Variants in RIPOR1 observed in about 807,000 individuals in gnomAD.
RIPOR1 encodes rho family-interacting cell polarization regulator 1.
Under a neutral mutation model 116.5 loss-of-function variants are expected in RIPOR1, and 58 were observed. The observed-to-expected ratio is 0.50, with a 90% CI of 0.40 to 0.62. The LOEUF (loss-of-function observed/expected upper bound fraction) is 0.62, where lower values mean the gene tolerates loss of function less well. RIPOR1 is among the 20% of genes least tolerant of loss of function. RIPOR1 has a pLI of 0.00. For missense variants in RIPOR1, 1,372 were observed against 1,586.2 expected (o/e 0.86, Z 2.29); for synonymous variants, 605 against 650.0 (o/e 0.93, Z 1.05).
chr16:67,546,736 A>G lies in RIPOR1; in HGVS notation c.*273A>G. ...GCCCAGCCACATCCCTTGGTTTTGT[A>G]TTTTATTTACAGAGTTTTACAGAAA... is the stretch of plus-strand genomic sequence containing the variant. On this transcript the variant is annotated 3_prime_UTR_variant, in exon 22 of 22. Transcript: ENST00000042381. 1 of 540,580 alleles carries G rather than the reference A, an allele frequency of 1.8e-6. No individual in the cohort carries two copies. The highest frequency in any genetic ancestry group is 2.3e-5 in the South Asian group (1 of 44,122). 33.5% of individuals were successfully genotyped at this position (540,580 alleles called of 1,614,324 possible).
upstream of RIPOR1, among the ~76,000 whole-genome samples, chr16:67,525,258 G>A (rs1183804307): frequency 1.3e-5 from 2 of 152,194 alleles, no homozygotes; most frequent in African/African-American, 4.8e-5. Context: ...GGGGACTTGG[G>A]AGGTGCAGAG....
Position 67,529,504 on chromosome 16 carries a change from A to G in RIPOR1, c.-24+590A>G, listed in dbSNP as rs2050596973. 2.5e-6 allele frequency: 1 copy of G among 395,432 alleles called. No homozygotes were observed. Among genetic ancestry groups the G allele is most frequent in the Non-Finnish European group, 4.6e-6 (1 of 219,710 alleles). The allele number at this position is 395,432 out of a possible 1,614,324, so 24.5% of individuals were successfully genotyped here. On this transcript the variant is annotated intron_variant, in intron 1 of 21. Coordinates refer to ENST00000042381, the MANE Select transcript of RIPOR1 (RefSeq NM_024519.4). This position sits in a 1 kb window ranked among gnomAD's most constrained non-coding sequence, Gnocchi z 4.1. ...CGGGGAACGGAGCTTTTCCCTGGAA[A>G]TGGAGGTTGGCGCAAGGTTCCTGCA...
chr16:67,532,857 A>G (rs1375645460), intron 1 of RIPOR1, among the ~76,000 whole-genome samples: 1 of 152,228 alleles, frequency 6.6e-6, no homozygotes, highest in Non-Finnish European at 1.5e-5. Flanking sequence ...TACAATTTTA[A>G]GGTCAGTGTT....
chr16:67,529,090 G>A lies in RIPOR1; in HGVS notation c.-24+176G>A, dbSNP rs569647752. On this transcript the variant is annotated intron_variant, in intron 1 of 21. Coordinates refer to ENST00000042381, the MANE Select transcript of RIPOR1 (RefSeq NM_024519.4). The surrounding 1 kb of genome is among the most constrained non-coding windows in gnomAD (Gnocchi z 4.1). ...TCTTTCCTCCCCTCCCCCCGGGCGT[G>A]GAGAACGCAGCTTCTCCCACAAAAG... 5.3e-5 allele frequency among the ~76,000 whole-genome samples: 8 copies of A among 152,274 alleles called. No homozygotes were observed. The East Asian group carries it at 1.5e-3, about 29-fold the overall frequency.
chr16:67,521,406 A>C (rs1458008033), intron 1 of RIPOR1, among the ~76,000 whole-genome samples: 2 of 152,190 alleles, frequency 1.3e-5, no homozygotes, highest in African/African-American at 4.8e-5. Flanking sequence ...TCTCTGTCAG[A>C]GCAGTTCACC....
chr16:67,520,866 G>A (rs1390328926), intron 1 of RIPOR1, among the ~76,000 whole-genome samples: 1 of 152,086 alleles, frequency 6.6e-6, no homozygotes, highest in Non-Finnish European at 1.5e-5. Flanking sequence ...TGAGGGGCAT[G>A]AAGGGAGATA....
chr16:67,543,489 T>C lies in RIPOR1; in HGVS notation c.2600+20T>C, dbSNP rs368933171. 3.5e-5 allele frequency: 54 copies of C among 1,547,372 alleles called. No homozygotes were observed. The highest frequency in any genetic ancestry group is 4.4e-5 in the Non-Finnish European group (51 of 1,146,926). On this transcript the variant is annotated intron_variant, in intron 14 of 21. Transcript: ENST00000042381. This position sits in a 1 kb window ranked among gnomAD's most constrained non-coding sequence, Gnocchi z 4.7. ...GGACAGGTGAGGGGGCTAGGCAAGA[T>C]GGGTGTGAGGCTAGGTGAGAGGGAA...
chr16:67,539,238 T>C (rs1183869227), intron 4 of RIPOR1, 170 bp downstream of exon 4: 5 of 618,268 alleles, frequency 8.1e-6, no homozygotes, highest in Non-Finnish European at 1.4e-5. Flanking sequence ...AACTTTGCTG[T>C]GCATACTTTC....
chr16:67,533,974 A>ATTTT (rs767462361), intron 1 of RIPOR1, among the ~76,000 whole-genome samples: 4 of 123,416 alleles, frequency 3.2e-5, no homozygotes, highest in Admixed American at 8.3e-5. Context: ...CGCCCGGCTA[A>ATTTT]TTTTTTTTTT....
At position 67,529,542 on chromosome 16, in the gene RIPOR1, G is replaced by C. The variant is rs2050597958; in HGVS notation, c.-24+628G>C. The C allele has an allele frequency of 2.1e-6, 1 of 479,532 alleles. No individual in the cohort carries two copies. Among genetic ancestry groups the C allele is most frequent in the Non-Finnish European group, 3.7e-6 (1 of 269,332 alleles). 29.7% of individuals were successfully genotyped at this position (479,532 alleles called of 1,614,324 possible). A position where few individuals can be genotyped will look rare whatever the true frequency, so the allele number is the denominator to read the frequency against. ...CAAGGTTCCTGCAACAGCCGGGCCT[G>C]GGCTCTCTGCAGAACTGGTTTGGGC... On this transcript the variant is annotated intron_variant, in intron 1 of 21. Transcript: ENST00000042381. The surrounding 1 kb of genome is among the most constrained non-coding windows in gnomAD (Gnocchi z 4.1).
chr16:67,532,357 A>G (rs1235095175), intron 1 of RIPOR1, among the ~76,000 whole-genome samples: 2 of 151,902 alleles, frequency 1.3e-5, no homozygotes, highest in African/African-American at 2.4e-5. Flanking sequence ...TGAGCTATGA[A>G]CGCACCACTG....
chr16:67,543,844 C>G lies in RIPOR1; in HGVS notation c.2600+375C>G. The G allele has an allele frequency of 2.7e-6, 1 of 372,114 alleles. No homozygotes were observed. Among genetic ancestry groups the G allele is most frequent in the Non-Finnish European group, 5.0e-6 (1 of 198,988 alleles). 23.1% of individuals were successfully genotyped at this position (372,114 alleles called of 1,614,324 possible). On this transcript the variant is annotated intron_variant, in intron 14 of 21. Transcript: ENST00000042381. This position sits in a 1 kb window ranked among gnomAD's most constrained non-coding sequence, Gnocchi z 4.7. ...CAGTGTCTCGCCGTGCACCCTGGGA[C>G]CCCAGCACTGCCCCACTCCTTCTCA...
upstream of RIPOR1, among the ~76,000 whole-genome samples, chr16:67,527,020 G>A (rs1331475166): frequency 6.6e-6 from 1 of 152,200 alleles, no homozygotes; most frequent in African/African-American, 2.4e-5. Flanking sequence ...AGTTTGGGAT[G>A]GTCAGCAGTG....
In RIPOR1 at chr16:67,543,258, G is replaced by C. The variant is rs1399233724; in HGVS notation, c.2472G>C (p.Leu824=). 6.2e-7 allele frequency: 1 copy of C among 1,600,988 alleles called. No homozygotes were observed. The highest frequency in any genetic ancestry group is 8.5e-7 in the Non-Finnish European group (1 of 1,173,282). Residue 824 remains leucine, a synonymous_variant, in exon 13 of 22, where the codon CTG becomes CTC. Coordinates refer to ENST00000042381, the MANE Select transcript of RIPOR1 (RefSeq NM_024519.4). The surrounding 1 kb of genome is among the most constrained non-coding windows in gnomAD (Gnocchi z 4.7). ...AGGAGGTGACCCGCCTAGAAAGTCT[G>C]CTCATGGTGAGGAGGGCTGGGCTGG... ...LEQEVTRLES[L]LMQRQGLTRS...
At position 67,530,188 on chromosome 16, in the gene RIPOR1, T is replaced by A. The variant is rs896492723; in HGVS notation, c.-24+1274T>A. 31 of 331,876 alleles carry A rather than the reference T, an allele frequency of 9.3e-5. 1 individual carries two copies. The East Asian group carries it at 1.4e-3, about 16-fold the overall frequency. 20.6% of individuals were successfully genotyped at this position (331,876 alleles called of 1,614,324 possible). On this transcript the variant is annotated intron_variant, in intron 1 of 21. Transcript: ENST00000042381. The surrounding 1 kb of genome is among the most constrained non-coding windows in gnomAD (Gnocchi z 4.5). ...GAGAAGCGGGCGGGGAGGGCGCGGG[T>A]GAGTCACGGCGGCCCCTCTGCGTCG...
upstream of RIPOR1, among the ~76,000 whole-genome samples, chr16:67,523,859 G>C (rs921692254): frequency 6.6e-6 from 1 of 151,954 alleles, no homozygotes; most frequent in African/African-American, 2.4e-5. Context: ...TGTGTTTTTA[G>C]TAGAGACTGG....
chr16:67,546,295 G>C, intron 21 of RIPOR1, 64 bp downstream of exon 21: 1 of 1,608,540 alleles, frequency 6.2e-7, no homozygotes, highest in Non-Finnish European at 8.5e-7. Flanking sequence ...GGGAGTAGGA[G>C]AGATGGCGCC....
Position 67,546,616 on chromosome 16 carries a change from T to G in RIPOR1, c.*153T>G. ...TATATTCTTCTGTTGCCCCTGGGGT[T>G]GGAGAGTCAGTGCCTGCAGTCAAGT... On this transcript the variant is annotated 3_prime_UTR_variant, in exon 22 of 22. Coordinates refer to ENST00000042381, the MANE Select transcript of RIPOR1 (RefSeq NM_024519.4). 3.1e-6 allele frequency: 2 copies of G among 649,270 alleles called. No individual in the cohort carries two copies. The highest frequency in any genetic ancestry group is 5.3e-6 in the Non-Finnish European group (2 of 377,786). 40.2% of individuals were successfully genotyped at this position (649,270 alleles called of 1,614,324 possible).
rs2050952150 is a variant in RIPOR1, at chr16:67,540,616, G to A, written c.713G>A (p.Arg238Gln). 4.3e-6 allele frequency: 7 copies of A among 1,613,860 alleles called. No individual in the cohort carries two copies. The highest frequency in any genetic ancestry group is 2.2e-5 in the East Asian group (1 of 44,882). Residue 238 changes from arginine to glutamine, a missense_variant, in exon 10 of 22, where the codon CGG becomes CAG. Around this residue, in one of 3 missense-constraint regions of RIPOR1, gnomAD observed 202 missense variants for 295.9 expected, o/e 0.68. Transcript: ENST00000042381. This position sits in a 1 kb window ranked among gnomAD's most constrained non-coding sequence, Gnocchi z 4.7. ...MKYGRQRWKL[R>Q]GRIEGSGKQV... ...TATGGGCGTCAGCGCTGGAAACTAC[G>A]GGGCCGAATTGAGGGTAGTGGAAAG...
Sources: allele counts gnomAD v4.1 joint callset (sites outside exome capture counted in the v4.1 genomes callset), GRCh38; gene constraint gnomAD v4.1.1; regional missense constraint gnomAD v4.1.1; non-coding constraint Gnocchi (gnomAD v3.1); transcripts MANE v1.5; gene names NCBI Gene and HGNC (gene_info 2026-07-23, HGNC 2026-07-21).